The following C12orf42 variants were observed in gnomAD, a reference collection of about 807,000 sequenced individuals.
C12orf42 encodes the protein uncharacterized protein C12orf42.
Under a neutral mutation model 21.6 loss-of-function variants are expected in C12orf42, and 25 were observed. The observed-to-expected ratio is 1.16, with a 90% CI of 0.84 to 1.62. C12orf42 has a LOEUF of 1.62. Ranked by LOEUF, C12orf42 falls within the 40% of genes most tolerant of loss-of-function variation. The pLI is 0.00. For synonymous variants in C12orf42, 174 were observed against 175.0 expected, an observed-to-expected ratio of 0.99 and a Z score of 0.05; for missense variants, 483 against 459.3, an observed-to-expected ratio of 1.05 and a Z score of -0.47.
the C12orf42 span, among the ~76,000 whole-genome samples, chr12:103,543,612 CA>C: frequency 7.1e-4 from 101 of 143,004 alleles, no homozygotes; most frequent in Non-Finnish European, 7.8e-4. Flanking sequence ...GAATCTGTCT[CA>C]AAAAAAAAAA....
At chr12:103,467,444 T>C (rs1365741696) in intron 2 of C12orf42, among the ~76,000 whole-genome samples, 1 of 152,122 alleles carries the variant, frequency 6.6e-6, no homozygotes, top group African/African-American at 2.4e-5. Flanking sequence ...TTGGAACTGT[T>C]CCCATCTCCA....
At chr12:103,132,023 C>T in the C12orf42 span, among the ~76,000 whole-genome samples, 13 of 152,236 alleles carry the variant, frequency 8.5e-5, no homozygotes, top group Admixed American at 7.8e-4. Context: ...AACCGTCTAT[C>T]AAGAAGGAGC....
chr12:103,091,018 C>T, the C12orf42 span, among the ~76,000 whole-genome samples: 8 of 151,990 alleles, frequency 5.3e-5, no homozygotes, highest in South Asian at 1.7e-3. Flanking sequence ...CCACTTGCTT[C>T]CTTTTTTATG....
the C12orf42 span, among the ~76,000 whole-genome samples, chr12:103,194,925 T>G: frequency 6.6e-6 from 1 of 152,150 alleles, no homozygotes; most frequent in East Asian, 1.9e-4. Flanking sequence ...TGATAGGTAT[T>G]TTTTTCAATC....
At chr12:103,266,496 C>T (rs2035178617), downstream of C12orf42, among the ~76,000 whole-genome samples, 1 of 151,938 alleles carries the variant, frequency 6.6e-6, no homozygotes, top group African/African-American at 2.4e-5. Flanking sequence ...ATTTGTACCC[C>T]TTGTGGTTTC....
intron 2 of C12orf42, among the ~76,000 whole-genome samples, chr12:103,467,550 G>A (rs962902731): frequency 5.9e-5 from 9 of 152,246 alleles, no homozygotes; most frequent in African/African-American, 1.4e-4. Flanking sequence ...CTCAGGACCC[G>A]CTGGAGGGTA....
chr12:103,144,598 T>C, the C12orf42 span, among the ~76,000 whole-genome samples: 1 of 152,234 alleles, frequency 6.6e-6, no homozygotes, highest in African/African-American at 2.4e-5. Context: ...TCTTCCAAAA[T>C]GGATTTATTA....
intron 10 of C12orf42, among the ~76,000 whole-genome samples, chr12:103,261,356 C>T (rs999629246): frequency 3.3e-5 from 5 of 151,990 alleles, no homozygotes; most frequent in East Asian, 1.9e-4. Flanking sequence ...GTGGTATATG[C>T]CTGTAGTCCC....
intron 4 of C12orf42, among the ~76,000 whole-genome samples, chr12:103,364,605 A>G (rs910468635): frequency 7.9e-5 from 12 of 152,054 alleles, no homozygotes; most frequent in Admixed American, 6.6e-4. Context: ...ATTAACCAAG[A>G]GAAGAGAAGA....
chr12:103,322,280 C>A (rs1392619292), intron 4 of C12orf42, among the ~76,000 whole-genome samples: 4 of 152,160 alleles, frequency 2.6e-5, no homozygotes, highest in Non-Finnish European at 5.9e-5. Flanking sequence ...ATACCCTACC[C>A]CCATCCACAG....
the C12orf42 span, among the ~76,000 whole-genome samples, chr12:103,055,748 T>C: frequency 6.6e-6 from 1 of 152,040 alleles, no homozygotes; most frequent in African/African-American, 2.4e-5. Flanking sequence ...ATACTGTATT[T>C]TCAATTTCAT....
chr12:103,271,966 A>G (rs1289646855), intron 5 of C12orf42, among the ~76,000 whole-genome samples: 1 of 152,170 alleles, frequency 6.6e-6, no homozygotes, highest in Non-Finnish European at 1.5e-5. Context: ...CAACTCTGTA[A>G]TTGTGGACCC....
chr12:103,130,938 C>T, the C12orf42 span, among the ~76,000 whole-genome samples: 5 of 152,188 alleles, frequency 3.3e-5, no homozygotes, highest in African/African-American at 9.7e-5. Flanking sequence ...ATCTGGTCCA[C>T]GTATACCCAC....
intron 4 of C12orf42, among the ~76,000 whole-genome samples, chr12:103,281,028 T>G (rs1246910806): frequency 1.3e-5 from 2 of 152,378 alleles, no homozygotes; most frequent in Non-Finnish European, 2.9e-5. Context: ...AAGTGGCATC[T>G]AAACTGACAG....
intron 10 of C12orf42, among the ~76,000 whole-genome samples, chr12:103,242,949 C>T (rs2033824645): frequency 6.6e-6 from 1 of 152,054 alleles, no homozygotes; most frequent in Admixed American, 6.6e-5. Flanking sequence ...TCATAATCTC[C>T]AGCATTATTG....
At chr12:103,298,411 C>T (rs917779506), downstream of C12orf42, among the ~76,000 whole-genome samples, 1 of 152,146 alleles carries the variant, frequency 6.6e-6, no homozygotes, top group Non-Finnish European at 1.5e-5. Flanking sequence ...ATGTGAAGGA[C>T]CTCTTCAAGG....
rs144311448 is a variant in C12orf42, at chr12:103,325,256, T to G, written c.260-18911A>C. 4.2e-3 allele frequency among the ~76,000 whole-genome samples: 637 copies of G among 152,312 alleles called. 4 individuals are homozygous for G. Among genetic ancestry groups the G allele is most frequent in the African/African-American group, 0.014 (602 of 41,566 alleles). ...TTCATGGGCAGAGAGAAGGACTCTC[T>G]TTTTGAACGACGTTCTTGTGGCAAA... On this transcript the variant is annotated intron_variant, in intron 4 of 5. Transcript: ENST00000548883.
intron 4 of C12orf42, among the ~76,000 whole-genome samples, chr12:103,315,353 T>C (rs905339376): frequency 4.6e-5 from 7 of 152,076 alleles, no homozygotes; most frequent in East Asian, 1.9e-4. Flanking sequence ...AAAGAACAGA[T>C]GGCAAGGTAA....
intron 4 of C12orf42, among the ~76,000 whole-genome samples, chr12:103,367,689 T>C (rs1238121709): frequency 6.6e-6 from 1 of 151,936 alleles, no homozygotes; most frequent in Non-Finnish European, 1.5e-5. Flanking sequence ...ATGAGGCAGA[T>C]TGGAGCAGAA....
Sources: gnomAD v4.1 joint callset for allele counts (sites outside exome capture counted in the v4.1 genomes callset) on GRCh38, gnomAD v4.1.1 for gene constraint, MANE v1.5 for transcripts, NCBI Gene and HGNC (gene_info 2026-07-23, HGNC 2026-07-21) for gene names.